ST18: variants seen among roughly 807,000 people sequenced by gnomAD.
ST18 encodes the protein suppression of tumorigenicity 18 protein.
In ST18, 50 loss-of-function variants were observed where a neutral mutation model predicts 110.0. The ratio of observed to expected loss-of-function variants is 0.45; its 90% confidence interval spans 0.36 to 0.58. The LOEUF (loss-of-function observed/expected upper bound fraction) is 0.58. ST18 is among the 20% of genes least tolerant of loss of function. The probability of loss-of-function intolerance (pLI) is 0.00; values close to 1 mark genes in which losing one functional copy is unlikely to be tolerated. For missense variants in ST18, 1,306 were observed against 1,280.1 expected (o/e 1.02, Z -0.31); for synonymous variants, 461 against 452.4 (o/e 1.02, Z -0.24).
At position 52,111,118 on chromosome 8, in the gene ST18, C is replaced by A. The variant is rs2040425418; in HGVS notation, c.*2080G>T. 4 of 395,568 alleles carry A rather than the reference C, an allele frequency of 1.0e-5. No homozygotes were observed. In the East Asian group the frequency reaches 1.4e-4, roughly 14 times the overall value. 24.5% of individuals were successfully genotyped at this position (395,568 alleles called of 1,614,324 possible). A position where few individuals can be genotyped will look rare whatever the true frequency, so the allele number is the denominator to read the frequency against. ...AATACAAACATACTTCACAAAACAT[C>A]CTGCTCAAACTATGCAAACACAAAT... On this transcript the variant is annotated 3_prime_UTR_variant, in exon 26 of 26. Coordinates refer to ENST00000689386, the MANE Select transcript of ST18 (RefSeq NM_001352837.2).
chr8:52,161,413 TG>T lies in ST18; in HGVS notation c.1555del (p.Gln519LysfsTer21). 6.2e-7 allele frequency: 1 copy of T among 1,614,198 alleles called. No individual in the cohort carries two copies. Among genetic ancestry groups the T allele is most frequent in the Non-Finnish European group, 8.5e-7 (1 of 1,180,022 alleles). Reference protein sequence around the residue: ...AQVFGKRPLIQTVQGRKTPPF... With the variant: ...AQVFGKRPLIXTVQGRKTPPF... ...TGGTGTTTTTCGTCCTTGCACTGTTTGTATGAGAGGGCGTTTACCGAAAACT... is the reference window on the plus strand; with the variant it reads ...TGGTGTTTTTCGTCCTTGCACTGTTTTATGAGAGGGCGTTTACCGAAAACT... On this transcript the variant is annotated frameshift_variant, in exon 14 of 26. Transcript: ENST00000689386. LOFTEE classifies it high-confidence loss of function.
intron 2 of ST18, among the ~76,000 whole-genome samples, chr8:52,377,831 C>A (rs1239113355): frequency 2.0e-5 from 3 of 152,084 alleles, no homozygotes; most frequent in Admixed American, 1.3e-4. Context: ...TTCACAATAG[C>A]AAAGACTAGG....
chr8:52,181,287 T>C (rs186027002), intron 8 of ST18, among the ~76,000 whole-genome samples: 7 of 152,320 alleles, frequency 4.6e-5, no homozygotes, highest in Admixed American at 3.9e-4. Flanking sequence ...CTCTAAAAGA[T>C]GACTAAATCC....
intron 22 of ST18, among the ~76,000 whole-genome samples, chr8:52,126,416 T>C (rs1320749811): frequency 6.6e-6 from 1 of 152,260 alleles, no homozygotes; most frequent in Non-Finnish European, 1.5e-5. Context: ...GTTAAATTGC[T>C]ATTCATCTCC....
At chr8:52,279,420 C>T (rs888159103) in intron 2 of ST18, among the ~76,000 whole-genome samples, 9 of 151,926 alleles carry the variant, frequency 5.9e-5, no homozygotes, top group African/African-American at 2.2e-4. Flanking sequence ...ATTTGGAACA[C>T]AGAGTGAAAA....
At chr8:52,116,214 G>C (rs980734250) in intron 25 of ST18, 61 bp downstream of exon 25, 4 of 1,568,248 alleles carry the variant, frequency 2.6e-6, no homozygotes, top group African/African-American at 2.7e-5. Context: ...CCCGTGGGTA[G>C]ATGCATGATG....
intron 2 of ST18, among the ~76,000 whole-genome samples, chr8:52,325,835 C>T (rs540906044): frequency 1.4e-4 from 22 of 152,228 alleles, no homozygotes; most frequent in African/African-American, 5.1e-4. Flanking sequence ...TCACATAAGC[C>T]ACTCAACTTT....
chr8:52,162,669 A>G (rs987822910), intron 13 of ST18, among the ~76,000 whole-genome samples: 4 of 152,210 alleles, frequency 2.6e-5, no homozygotes, highest in Admixed American at 2.6e-4. Context: ...ATTCTTTTAG[A>G]ATGGTTGTTA....
intron 2 of ST18, among the ~76,000 whole-genome samples, chr8:52,378,522 C>T (rs1225184592): frequency 6.6e-6 from 1 of 152,146 alleles, no homozygotes; most frequent in Non-Finnish European, 1.5e-5. Context: ...TTAATGTTCT[C>T]AAAGTGTTGT....
At chr8:52,294,596 G>A (rs183582149) in intron 2 of ST18, 1 of 152,380 alleles carries the variant, frequency 6.6e-6, no homozygotes, top group East Asian at 1.9e-4. Flanking sequence ...CCTCCCTGAC[G>A]ATATTATTAG....
chr8:52,399,661 A>T (rs997668958), intron 2 of ST18, among the ~76,000 whole-genome samples: 5 of 151,888 alleles, frequency 3.3e-5, no homozygotes, highest in African/African-American at 1.2e-4. Flanking sequence ...AGATATTTTT[A>T]AATTTCCTTT....
chr8:52,265,200 G>A (rs548354363), intron 2 of ST18, among the ~76,000 whole-genome samples: 12 of 152,334 alleles, frequency 7.9e-5, no homozygotes, highest in Non-Finnish European at 1.5e-4. Context: ...AAGCCCTAAG[G>A]AGATAGAGCA....
intron 2 of ST18, among the ~76,000 whole-genome samples, chr8:52,251,343 T>C (rs913504780): frequency 6.6e-6 from 1 of 152,134 alleles, no homozygotes. Context: ...TCAGAATTTG[T>C]ATATAATATA....
At chr8:52,332,216 T>C (rs558348493) in intron 2 of ST18, among the ~76,000 whole-genome samples, 5 of 152,294 alleles carry the variant, frequency 3.3e-5, no homozygotes, top group East Asian at 3.9e-4. Flanking sequence ...CTATTTTGGA[T>C]AAATAATATT....
chr8:52,350,989 G>A (rs1194450356), intron 2 of ST18, among the ~76,000 whole-genome samples: 1 of 151,950 alleles, frequency 6.6e-6, no homozygotes, highest in Non-Finnish European at 1.5e-5. Flanking sequence ...CAAAGTGCTG[G>A]GATTACAGGC....
intron 5 of ST18, among the ~76,000 whole-genome samples, chr8:52,220,178 C>T (rs1457411478): frequency 6.6e-6 from 1 of 152,124 alleles, no homozygotes; most frequent in Non-Finnish European, 1.5e-5. Flanking sequence ...AGGGCCTTTA[C>T]AATTTTTTTC....
chr8:52,201,981 A>C (rs2078130577), intron 8 of ST18, among the ~76,000 whole-genome samples: 1 of 152,230 alleles, frequency 6.6e-6, no homozygotes, highest in Non-Finnish European at 1.5e-5. Context: ...AAAATGAATT[A>C]GAAACGATTA....
At chr8:52,219,612 T>C (rs62501028) in intron 5 of ST18, among the ~76,000 whole-genome samples, 7 of 152,112 alleles carry the variant, frequency 4.6e-5, no homozygotes, top group Non-Finnish European at 8.8e-5. Context: ...CCCTAATCCC[T>C]CCTACACCTG....
chr8:52,124,598 A>G (rs987789969), intron 23 of ST18, among the ~76,000 whole-genome samples: 1 of 152,196 alleles, frequency 6.6e-6, no homozygotes. Flanking sequence ...TTCACTGCAT[A>G]TGTACTGAGA....
Sources: allele counts gnomAD v4.1 joint callset (sites outside exome capture counted in the v4.1 genomes callset), GRCh38; gene constraint gnomAD v4.1.1; transcripts MANE v1.5; gene names NCBI Gene and HGNC (gene_info 2026-07-23, HGNC 2026-07-21).